The following SLC39A8 variants were observed in gnomAD, a reference collection of about 807,000 sequenced individuals.
SLC39A8 encodes the protein metal cation symporter ZIP8.
In SLC39A8, 15 loss-of-function variants were observed where a neutral mutation model predicts 40.4. The ratio of observed to expected loss-of-function variants is 0.37; its 90% CI spans 0.25 to 0.57. The LOEUF is 0.57. Ranked by LOEUF, SLC39A8 falls within the 20% of genes least tolerant of loss-of-function variation. The pLI is 0.75. For missense variants in SLC39A8, 472 were observed against 558.8 expected, an observed-to-expected ratio of 0.84 and a Z score of 1.57; for synonymous variants, 223 against 221.6, an observed-to-expected ratio of 1.01 and a Z score of -0.06.
chr4:102,304,063 A>G (rs1734027380), intron 6 of SLC39A8, among the ~76,000 whole-genome samples: 1 of 151,892 alleles, frequency 6.6e-6, no homozygotes, highest in Admixed American at 6.6e-5. Context: ...AGACTCTCAT[A>G]TAGTAAATAA....
chr4:102,287,396 T>A (rs917947093), intron 6 of SLC39A8, among the ~76,000 whole-genome samples: 3 of 152,132 alleles, frequency 2.0e-5, no homozygotes, highest in Non-Finnish European at 4.4e-5. Context: ...CTGGAAGCAC[T>A]CTCTGCACTT....
chr4:102,257,508 G>C (rs1302969626), downstream of SLC39A8, among the ~76,000 whole-genome samples: 1 of 152,190 alleles, frequency 6.6e-6, no homozygotes, highest in Non-Finnish European at 1.5e-5. Context: ...AGGATACCCA[G>C]TAGGAGGATA....
chr4:102,298,223 A>G (rs1733761078), intron 6 of SLC39A8, among the ~76,000 whole-genome samples: 1 of 152,092 alleles, frequency 6.6e-6, no homozygotes, highest in Admixed American at 6.6e-5. Context: ...TATACTTCAT[A>G]TCAGTGAAAG....
intron 6 of SLC39A8, among the ~76,000 whole-genome samples, chr4:102,272,362 C>A (rs1732400352): frequency 6.6e-6 from 1 of 151,564 alleles, no homozygotes; most frequent in Non-Finnish European, 1.5e-5. Context: ...TGGTGTGAAC[C>A]CGGGAGACAG....
intron 2 of SLC39A8, among the ~76,000 whole-genome samples, chr4:102,325,665 G>A (rs563423421): frequency 6.6e-6 from 1 of 152,244 alleles, no homozygotes; most frequent in East Asian, 1.9e-4. Flanking sequence ...AAAATTATGT[G>A]TGGTTTTATT....
intron 2 of SLC39A8, among the ~76,000 whole-genome samples, chr4:102,323,257 C>G (rs890246945): frequency 2.0e-5 from 3 of 152,226 alleles, no homozygotes; most frequent in African/African-American, 7.2e-5. Flanking sequence ...CACACCTTCT[C>G]TGAGTCAGGT....
Position 102,267,855 on chromosome 4 carries a change from T to G in SLC39A8, c.1048+17A>C. 1 of 1,612,650 alleles carries G rather than the reference T, an allele frequency of 6.2e-7. No individual in the cohort carries two copies. The highest frequency in any genetic ancestry group is 1.1e-5 in the South Asian group (1 of 90,862). ...AAGAAGTAAGCAGACTTTTACAATATGAACAGAGCTCCTTACCTAACTCGT... is the reference window on the plus strand; with the variant it reads ...AAGAAGTAAGCAGACTTTTACAATAGGAACAGAGCTCCTTACCTAACTCGT... On this transcript the variant is annotated intron_variant, in intron 7 of 8. Transcript: ENST00000356736.
chr4:102,256,901 G>A (rs1369233026), downstream of SLC39A8, among the ~76,000 whole-genome samples: 2 of 152,194 alleles, frequency 1.3e-5, no homozygotes, highest in African/African-American at 4.8e-5. Flanking sequence ...CACAGGTGAT[G>A]CTACATGAAC....
intron 6 of SLC39A8, among the ~76,000 whole-genome samples, chr4:102,288,171 T>A (rs957485321): frequency 2.6e-5 from 4 of 152,188 alleles, no homozygotes; most frequent in Non-Finnish European, 5.9e-5. Flanking sequence ...TGTGCTCATT[T>A]CATGCCTCTG....
At chr4:102,327,880 C>T (rs1735286343) in intron 2 of SLC39A8, among the ~76,000 whole-genome samples, 1 of 152,152 alleles carries the variant, frequency 6.6e-6, no homozygotes, top group Non-Finnish European at 1.5e-5. Flanking sequence ...TCTGAGGAGG[C>T]AAATATTCCA....
At chr4:102,282,163 C>T (rs982152877) in intron 6 of SLC39A8, among the ~76,000 whole-genome samples, 1 of 152,168 alleles carries the variant, frequency 6.6e-6, no homozygotes, top group African/African-American at 2.4e-5. Flanking sequence ...AGAAGCTAAG[C>T]CTGTGATCCC....
exon 12 of SLC39A8, chr4:102,253,400 A>T: frequency 1.4e-6 from 1 of 716,446 alleles, no homozygotes. Context: ...GTGGAGGTGA[A>T]ATACTCCAGA....
exon 12 of SLC39A8, chr4:102,253,188 A>G: frequency 2.6e-6 from 1 of 391,892 alleles, no homozygotes; most frequent in Non-Finnish European, 4.5e-6. Context: ...GGCGGGGAAC[A>G]CAATTAGAAA....
At chr4:102,309,970 G>A (rs1011077936) in intron 3 of SLC39A8, among the ~76,000 whole-genome samples, 3 of 151,832 alleles carry the variant, frequency 2.0e-5, no homozygotes, top group African/African-American at 7.3e-5. Flanking sequence ...GACAGTTATC[G>A]ATCTGGTGCC....
intron 2 of SLC39A8, among the ~76,000 whole-genome samples, chr4:102,337,797 G>A (rs908743137): frequency 1.2e-4 from 19 of 152,150 alleles, no homozygotes; most frequent in Non-Finnish European, 4.4e-5. Context: ...CATGCCTGAA[G>A]TCTATCCATA....
At chr4:102,325,973 G>T (rs1735180134) in intron 2 of SLC39A8, among the ~76,000 whole-genome samples, 1 of 152,154 alleles carries the variant, frequency 6.6e-6, no homozygotes, top group African/African-American at 2.4e-5. Flanking sequence ...TCGAGGTCTT[G>T]TCTTGAAAAG....
intron 2 of SLC39A8, among the ~76,000 whole-genome samples, chr4:102,339,061 A>T (rs976060153): frequency 5.9e-5 from 9 of 152,212 alleles, no homozygotes; most frequent in African/African-American, 2.2e-4. Flanking sequence ...AAGGCAAACT[A>T]AGCTCTTGAC....
In SLC39A8 at chr4:102,283,005, C is replaced by T. The variant is rs573306919; in HGVS notation, c.841-14926G>A. Among the ~76,000 whole-genome samples, 10 of 152,334 alleles carry T rather than the reference C, an allele frequency of 6.6e-5. No individual in the cohort carries two copies. The South Asian group carries it at 1.7e-3, about 25-fold the overall frequency. On this transcript the variant is annotated intron_variant, in intron 6 of 8. Transcript: ENST00000356736. ...CCTCCCAAAGTGCTGGGATTACAGG[C>T]GTGAGCCACCACACCCAGCCCTCAA... is the stretch of plus-strand genomic sequence containing the variant.
intron 2 of SLC39A8, among the ~76,000 whole-genome samples, chr4:102,329,334 T>C (rs1735348798): frequency 6.6e-6 from 1 of 151,996 alleles, no homozygotes; most frequent in African/African-American, 2.4e-5. Flanking sequence ...TATTAAAGAT[T>C]CAAGTTGGCT....
Sources: gnomAD v4.1 joint callset for allele counts (sites outside exome capture counted in the v4.1 genomes callset) on GRCh38, gnomAD v4.1.1 for gene constraint, MANE v1.5 for transcripts, NCBI Gene and HGNC (gene_info 2026-07-23, HGNC 2026-07-21) for gene names.